ADGRF5: variants seen among roughly 807,000 people sequenced by gnomAD.
The protein encoded by ADGRF5 is G-protein coupled receptor 116.
Under a neutral mutation model 132.3 loss-of-function variants are expected in ADGRF5, and 75 were observed. The ratio of observed to expected loss-of-function variants is 0.57; its 90% confidence interval spans 0.47 to 0.69. The LOEUF (loss-of-function observed/expected upper bound fraction) is 0.69, where lower values mean the gene tolerates loss of function less well. Among genes scored for constraint, ADGRF5 ranks in the 30% least tolerant of loss-of-function variants. ADGRF5 has a pLI of 0.00. For missense variants in ADGRF5, 1,516 were observed against 1,630.6 expected, an observed-to-expected ratio of 0.93 and a Z score of 1.21; for synonymous variants, 629 against 597.6, an observed-to-expected ratio of 1.05 and a Z score of -0.77.
chr6:46,950,395 T>C (rs1385704883), intron 1 of ADGRF5, among the ~76,000 whole-genome samples: 2 of 152,220 alleles, frequency 1.3e-5, no homozygotes, highest in African/African-American at 4.8e-5. Context: ...GTGCTCAAGA[T>C]GTACTTCTTA....
intron 1 of ADGRF5, chr6:46,908,717 T>G (rs974665228): frequency 9.2e-5 from 14 of 152,182 alleles, no homozygotes; most frequent in African/African-American, 3.4e-4. Context: ...CATTCTTATC[T>G]ATGTTGACTT....
At chr6:46,890,072 A>C (rs888916057) in intron 3 of ADGRF5, among the ~76,000 whole-genome samples, 11 of 152,084 alleles carry the variant, frequency 7.2e-5, no homozygotes, top group Non-Finnish European at 1.5e-4. Context: ...GGAATAAGAA[A>C]GTTTTACACA....
chr6:46,911,319 A>T (rs1055494432), intron 1 of ADGRF5, among the ~76,000 whole-genome samples: 8 of 152,232 alleles, frequency 5.3e-5, no homozygotes, highest in Non-Finnish European at 1.2e-4. Flanking sequence ...CTGCTTTTTC[A>T]TAAGTTAAAA....
chr6:46,858,266 T>C lies in ADGRF5; in HGVS notation c.3637A>G (p.Ser1213Gly). The change falls in exon 17 of 21, where the codon AGC becomes GGC. Residue 1213 changes from serine to glycine, a missense_variant. Physicochemically the swap from Ser to Gly is moderately conservative, Grantham distance 56. Coordinates refer to ENST00000283296, the MANE Select transcript of ADGRF5 (RefSeq NM_001098518.2). Reference sequence around the variant, plus strand: ...ATGCTCTTGCTGATCTGAAACAGGCTGCTCTTCTCCTGCTTGCATGGCTTG... The same window carrying C: ...ATGCTCTTGCTGATCTGAAACAGGCCGCTCTTCTCCTGCTTGCATGGCTTG... The part of the protein sequence containing the change: ...GDKPCKQEKS[S>G]LFQISKSIGV... The C allele has an allele frequency of 1.9e-6, 3 of 1,614,080 alleles. No individual in the cohort carries two copies. Among genetic ancestry groups the C allele is most frequent in the Non-Finnish European group, 2.5e-6 (3 of 1,180,022 alleles).
At chr6:46,950,508 GTTTTTTGTT>G (rs1483041777) in intron 1 of ADGRF5, among the ~76,000 whole-genome samples, 1 of 151,916 alleles carries the variant, frequency 6.6e-6, no homozygotes, top group Non-Finnish European at 1.5e-5. Context: ...GGTGTTTTTT[GTTTTTTGTT>G]TGTTTTGTTT....
At chr6:46,951,404 T>C (rs764375426) in intron 1 of ADGRF5, among the ~76,000 whole-genome samples, 5 of 152,170 alleles carry the variant, frequency 3.3e-5, no homozygotes, top group Non-Finnish European at 7.3e-5. Context: ...GCTGTGTCTG[T>C]TTGCTTTCTC....
At chr6:46,937,180 A>G (rs538337092) in intron 1 of ADGRF5, among the ~76,000 whole-genome samples, 50 of 152,198 alleles carry the variant, frequency 3.3e-4, no homozygotes, top group Admixed American at 7.2e-4. Flanking sequence ...TGATGAGCAA[A>G]AATGCTATGA....
At chr6:46,911,231 C>G (rs143704829) in intron 1 of ADGRF5, among the ~76,000 whole-genome samples, 4 of 152,334 alleles carry the variant, frequency 2.6e-5, no homozygotes, top group African/African-American at 9.6e-5. Flanking sequence ...ATCCTCAAGG[C>G]TCTCCATAAC....
Position 46,877,279 on chromosome 6 carries a change from C to CTT in ADGRF5, c.1240+921_1240+922dup, listed in dbSNP as rs59698674. Among the ~76,000 whole-genome samples, 6 of 48,460 alleles carry CTT rather than the reference C, an allele frequency of 1.2e-4. No homozygotes were observed. In the East Asian group the frequency reaches 2.3e-3, roughly 19 times the overall value. 31.8% of individuals were successfully genotyped at this position (48,460 alleles called of 152,430 possible). ...TCTTTCTTTCTTTCTTTCTTTCTTT[C>CTT]TTTCTTTCTTTCTCTCTCTCTCTCT... On this transcript the variant is annotated intron_variant, in intron 10 of 20. Transcript: ENST00000283296.
intron 16 of ADGRF5, among the ~76,000 whole-genome samples, chr6:46,859,807 G>T (rs1026881158): frequency 2.8e-5 from 2 of 72,506 alleles, no homozygotes; most frequent in Non-Finnish European, 6.5e-5. Flanking sequence ...CAGGCTGGCA[G>T]GGATATTTAC....
chr6:46,867,518 T>C (rs1442198731), intron 12 of ADGRF5, among the ~76,000 whole-genome samples: 2 of 152,086 alleles, frequency 1.3e-5, no homozygotes, highest in Non-Finnish European at 2.9e-5. Context: ...TTTTTGACAA[T>C]AATTGTTAAC....
At chr6:46,915,896 G>A (rs113394014) in intron 1 of ADGRF5, among the ~76,000 whole-genome samples, 66 of 152,178 alleles carry the variant, frequency 4.3e-4, no homozygotes, top group Middle Eastern at 3.4e-3. Flanking sequence ...CCTGGCTTGC[G>A]GTGGGTACCT....
At chr6:46,891,579 C>T (rs770709655) in intron 3 of ADGRF5, among the ~76,000 whole-genome samples, 1 of 152,182 alleles carries the variant, frequency 6.6e-6, no homozygotes. Flanking sequence ...ATATCATATC[C>T]ACTTCATTAC....
Position 46,877,365 on chromosome 6 carries a change from CT to C in ADGRF5, c.1240+836del, listed in dbSNP as rs777108337. Among the ~76,000 whole-genome samples, 9 of 41,750 alleles carry C rather than the reference CT, an allele frequency of 2.2e-4. 1 individual carries two copies. Among genetic ancestry groups the C allele is most frequent in the African/African-American group, 5.5e-4 (8 of 14,596 alleles). 27.4% of individuals were successfully genotyped at this position (41,750 alleles called of 152,430 possible). A position where few individuals can be genotyped will look rare whatever the true frequency, so the allele number is the denominator to read the frequency against. On this transcript the variant is annotated intron_variant, in intron 10 of 20. Coordinates refer to ENST00000283296, the MANE Select transcript of ADGRF5 (RefSeq NM_001098518.2). ...TCTTTCTTTCTTTCTTTCTTTCTTT[CT>C]TTCTTTCTTTCTTTCTTTCTTCTTT...
Position 46,859,207 on chromosome 6 carries a change from G to A in ADGRF5, c.2696C>T (p.Thr899Ile), listed in dbSNP as rs1389220595. ...GGCTTGGAGAGTTGGGAAAGCCATG[G>A]TGACAATAGACGAATCCGACTGCAA... ...ENLQSDSSIV[T>I]MAFPTLQAIL... The change falls in exon 17 of 21, where the codon ACC becomes ATC. Residue 899 changes from threonine (T) to isoleucine (I), a missense_variant. Thr to Ile is a moderately conservative substitution (Grantham distance 89, BLOSUM62 -1). Coordinates refer to ENST00000283296, the MANE Select transcript of ADGRF5 (RefSeq NM_001098518.2). 1.9e-6 allele frequency: 3 copies of A among 1,614,118 alleles called. No individual in the cohort carries two copies. The highest frequency in any genetic ancestry group is 2.5e-6 in the Non-Finnish European group (3 of 1,179,948).
chr6:46,900,238 T>C (rs2150881358), intron 2 of ADGRF5, among the ~76,000 whole-genome samples, 155 bp from the exon 3 acceptor site: 1 of 152,250 alleles, frequency 6.6e-6, no homozygotes, highest in South Asian at 2.1e-4. Flanking sequence ...CACATAGCAA[T>C]GAAATGGTTT....
upstream of ADGRF5, among the ~76,000 whole-genome samples, chr6:46,924,204 C>A (rs1777139362): frequency 6.6e-6 from 1 of 152,144 alleles, no homozygotes; most frequent in African/African-American, 2.4e-5. Flanking sequence ...GGTGTTATTT[C>A]TTCCAAGGAC....
chr6:46,948,809 C>A (rs1218289646), intron 1 of ADGRF5, among the ~76,000 whole-genome samples: 1 of 152,164 alleles, frequency 6.6e-6, no homozygotes. Flanking sequence ...TTGACCCCAG[C>A]CCTCAAGACC....
At chr6:46,911,316 T>C (rs1372433683) in intron 1 of ADGRF5, among the ~76,000 whole-genome samples, 1 of 152,222 alleles carries the variant, frequency 6.6e-6, no homozygotes, top group Non-Finnish European at 1.5e-5. Context: ...CAGCTGCTTT[T>C]TCATAAGTTA....
Sources: allele counts gnomAD v4.1 joint callset (sites outside exome capture counted in the v4.1 genomes callset), GRCh38; gene constraint gnomAD v4.1.1; transcripts MANE v1.5; gene names NCBI Gene and HGNC (gene_info 2026-07-23, HGNC 2026-07-21).